DPP6: variants seen among roughly 807,000 people sequenced by gnomAD.
The protein encoded by DPP6 is dipeptidyl peptidase like 6.
DPP6 carries 69 observed loss-of-function variants against 122.6 expected under a neutral mutation model. That is an observed-to-expected ratio of 0.56 (90% CI 0.46 to 0.69). The LOEUF is 0.69. Ranked by LOEUF, DPP6 falls within the 30% of genes least tolerant of loss-of-function variation. DPP6 has a pLI of 0.00. For synonymous variants in DPP6, 418 were observed against 433.1 expected (o/e 0.97, Z 0.43); for missense variants, 928 against 1,116.9 (o/e 0.83, Z 2.41).
Position 154,093,342 on chromosome 7 carries a change from C to G in DPP6, c.243+40279C>G, listed in dbSNP as rs1805020003. ...CACACAACCTACACACCACATCATACACAGCATACACATGCATGACACATA... is the reference window on the plus strand; with the variant it reads ...CACACAACCTACACACCACATCATAGACAGCATACACATGCATGACACATA... On this transcript the variant is annotated intron_variant, in intron 1 of 25. Transcript: ENST00000377770. Among the ~76,000 whole-genome samples the G allele has an allele frequency of 3.4e-5, 5 of 147,248 alleles. No individual in the cohort carries two copies. In the South Asian group the frequency reaches 1.1e-3, roughly 33 times the overall value.
chr7:154,586,684 A>G (rs1832474902), intron 5 of DPP6, among the ~76,000 whole-genome samples: 2 of 152,146 alleles, frequency 1.3e-5, no homozygotes, highest in Non-Finnish European at 2.9e-5. Context: ...GCGTCTGCCC[A>G]TCGGGTTTTC....
chr7:154,728,844 AATCTTTTT>A (rs1454123685), intron 8 of DPP6, among the ~76,000 whole-genome samples: 1 of 152,088 alleles, frequency 6.6e-6, no homozygotes, highest in Non-Finnish European at 1.5e-5. Flanking sequence ...TAAGGGCACA[AATCTTTTT>A]ATCTTTTTAT....
rs1249040796 is a variant in DPP6, at chr7:154,328,786, C to T, written c.244-117428C>T. Among the ~76,000 whole-genome samples, 7 of 152,238 alleles carry T rather than the reference C, an allele frequency of 4.6e-5. No homozygotes were observed. In the East Asian group the frequency reaches 1.2e-3, roughly 25 times the overall value. ...TGGCTCCTTGTCATTAACCCCGTTGCCCTGGAGAGAAGAGAAGCCGGTGGT... is the reference window on the plus strand; with the variant it reads ...TGGCTCCTTGTCATTAACCCCGTTGTCCTGGAGAGAAGAGAAGCCGGTGGT... On this transcript the variant is annotated intron_variant, in intron 1 of 25. Transcript: ENST00000377770.
intron 1 of DPP6, among the ~76,000 whole-genome samples, chr7:154,419,590 G>C (rs1401581342): frequency 6.6e-6 from 1 of 152,168 alleles, no homozygotes; most frequent in Non-Finnish European, 1.5e-5. Flanking sequence ...TCTGCCCTGG[G>C]CTTGTCTTCC....
chr7:154,525,592 T>C (rs1306910930), intron 3 of DPP6, among the ~76,000 whole-genome samples: 1 of 152,246 alleles, frequency 6.6e-6, no homozygotes, highest in African/African-American at 2.4e-5. Flanking sequence ...CACGGAATGC[T>C]ACCACAGCTA....
At chr7:154,028,174 G>A (rs1326544010) in intron 1 of DPP6, among the ~76,000 whole-genome samples, 4 of 152,014 alleles carry the variant, frequency 2.6e-5, no homozygotes, top group African/African-American at 9.7e-5. Flanking sequence ...AATGTGAGAA[G>A]CTCCTAATAT....
At chr7:154,778,226 GT>G (rs1201862906) in intron 10 of DPP6, among the ~76,000 whole-genome samples, 1 of 152,092 alleles carries the variant, frequency 6.6e-6, no homozygotes, top group Non-Finnish European at 1.5e-5. Context: ...ATAGATGTCT[GT>G]TTCTCCTATT....
the DPP6 span, among the ~76,000 whole-genome samples, chr7:153,769,048 G>C: frequency 6.6e-6 from 1 of 152,146 alleles, no homozygotes; most frequent in Non-Finnish European, 1.5e-5. Context: ...CCATACAGTA[G>C]AATTGTCTTC....
At chr7:154,172,105 A>T (rs1028902543) in intron 1 of DPP6, among the ~76,000 whole-genome samples, 1 of 151,084 alleles carries the variant, frequency 6.6e-6, no homozygotes, top group Admixed American at 6.6e-5. Flanking sequence ...TCATTGCAAT[A>T]CTTGTATAGA....
chr7:153,775,029 T>C, the DPP6 span, among the ~76,000 whole-genome samples: 1 of 148,426 alleles, frequency 6.7e-6, no homozygotes, highest in Non-Finnish European at 1.5e-5. Flanking sequence ...GCAGAGAAGA[T>C]AGAACACTTC....
At chr7:154,530,054 A>C (rs1034335475) in intron 3 of DPP6, among the ~76,000 whole-genome samples, 72 of 152,060 alleles carry the variant, frequency 4.7e-4, no homozygotes, top group African/African-American at 1.7e-3. Context: ...TGGACCTGGG[A>C]GGCAGAGGCT....
At chr7:154,318,203 A>C (rs1196774551) in intron 1 of DPP6, among the ~76,000 whole-genome samples, 1 of 152,242 alleles carries the variant, frequency 6.6e-6, no homozygotes, top group Admixed American at 6.5e-5. Context: ...AGTGTTGGGC[A>C]TTGAAAATAT....
intron 1 of DPP6, among the ~76,000 whole-genome samples, chr7:154,265,994 C>G (rs1384776248): frequency 6.6e-6 from 1 of 152,186 alleles, no homozygotes; most frequent in Non-Finnish European, 1.5e-5. Context: ...GCATCTGGAA[C>G]TAGCAAACCA....
intron 1 of DPP6, among the ~76,000 whole-genome samples, chr7:154,261,241 T>C (rs1464954559): frequency 1.3e-5 from 2 of 152,158 alleles, no homozygotes; most frequent in African/African-American, 4.8e-5. Context: ...TCCATAGTGG[T>C]TGCACTAGTT....
At chr7:154,386,943 G>GAT (rs1814166396) in intron 1 of DPP6, among the ~76,000 whole-genome samples, 1 of 62,134 alleles carries the variant, frequency 1.6e-5, no homozygotes, top group African/African-American at 7.0e-5. Flanking sequence ...CTTGAGCATG[G>GAT]GTGGGCAGGT....
intron 1 of DPP6, among the ~76,000 whole-genome samples, chr7:154,287,489 G>C (rs1804932353): frequency 6.6e-6 from 1 of 152,202 alleles, no homozygotes; most frequent in South Asian, 2.1e-4. Flanking sequence ...TTGTTATGCT[G>C]CTGGACAGAT....
chr7:154,163,686 T>C (rs1797092079), intron 1 of DPP6, among the ~76,000 whole-genome samples: 1 of 152,136 alleles, frequency 6.6e-6, no homozygotes, highest in Non-Finnish European at 1.5e-5. Flanking sequence ...CCTATGGGGA[T>C]GGTGGGGAGA....
At chr7:154,649,443 T>G (rs1478714564) in intron 6 of DPP6, among the ~76,000 whole-genome samples, 1 of 152,208 alleles carries the variant, frequency 6.6e-6, no homozygotes, top group Non-Finnish European at 1.5e-5. Flanking sequence ...TTAACTAGAT[T>G]CTAAAGTGCC....
intron 1 of DPP6, among the ~76,000 whole-genome samples, chr7:153,955,719 G>T (rs13227312): frequency 6.6e-6 from 1 of 151,922 alleles, no homozygotes; most frequent in Non-Finnish European, 1.5e-5. Context: ...GATTACAGGC[G>T]TGAGTCACTG....
Sources: gnomAD v4.1 joint callset for allele counts (sites outside exome capture counted in the v4.1 genomes callset) on GRCh38, gnomAD v4.1.1 for gene constraint, MANE v1.5 for transcripts, NCBI Gene and HGNC (gene_info 2026-07-23, HGNC 2026-07-21) for gene names.